IGF2BP1: variants seen among roughly 807,000 people sequenced by gnomAD.
IGF2BP1 encodes the protein insulin-like growth factor 2 mRNA-binding protein 1.
Under a neutral mutation model 74.9 loss-of-function variants are expected in IGF2BP1, and 11 were observed. The observed-to-expected ratio is 0.15, with a 90% CI of 0.09 to 0.24. The LOEUF is 0.24. Among genes scored for constraint, IGF2BP1 ranks in the 10% least tolerant of loss-of-function variants. IGF2BP1 has a pLI of 1.00. For synonymous variants in IGF2BP1, 287 were observed against 281.8 expected (o/e 1.02, Z -0.18); for missense variants, 440 against 757.4 (o/e 0.58, Z 4.92).
chr17:49,019,975 CATACACCCACACATATATAT>C (rs1567816009), intron 2 of IGF2BP1, among the ~76,000 whole-genome samples: 6 of 72,832 alleles, frequency 8.2e-5, no homozygotes, highest in Non-Finnish European at 1.0e-4. Context: ...CACACACACA[CATACACCCACACATATATAT>C]ACACACACAC....
chr17:49,035,532 T>C (rs2144100753), intron 5 of IGF2BP1, among the ~76,000 whole-genome samples: 1 of 152,302 alleles, frequency 6.6e-6, no homozygotes, highest in Non-Finnish European at 1.5e-5. Context: ...GGCAGCGGTC[T>C]GGGGCAGTGG....
In IGF2BP1 at chr17:49,039,464, G is replaced by A. The variant is rs949205681; in HGVS notation, c.684-493G>A. 9.2e-5 allele frequency among the ~76,000 whole-genome samples: 14 copies of A among 152,054 alleles called. No homozygotes were observed. In the South Asian group the frequency reaches 1.9e-3, roughly 20 times the overall value. Reference sequence around the variant, plus strand: ...ATTTTTTGAGGCAGAGTCTCACTGCGTCACCCAGGCTGGAGTGTAGTGGTG... The same window carrying A: ...ATTTTTTGAGGCAGAGTCTCACTGCATCACCCAGGCTGGAGTGTAGTGGTG... On this transcript the variant is annotated intron_variant, in intron 6 of 14. Transcript: ENST00000290341.
intron 4 of IGF2BP1, among the ~76,000 whole-genome samples, chr17:49,028,096 A>G (rs531186430): frequency 3.1e-4 from 46 of 150,532 alleles, no homozygotes; most frequent in Admixed American, 9.9e-4. Flanking sequence ...CCAGGAGGCC[A>G]AGGCTGCAGT....
intron 2 of IGF2BP1, among the ~76,000 whole-genome samples, chr17:49,016,729 C>G (rs972916302): frequency 6.6e-6 from 1 of 152,014 alleles, no homozygotes. Flanking sequence ...CCCACATCTC[C>G]CAGTAGGTCA....
chr17:49,046,478 G>A (rs893424650), intron 14 of IGF2BP1, 105 bp downstream of exon 14: 1 of 800,542 alleles, frequency 1.2e-6, no homozygotes, highest in Non-Finnish European at 2.1e-6. Flanking sequence ...AAGTCCTGGG[G>A]CCTCAGCCAC....
At chr17:49,043,607 G>T in intron 10 of IGF2BP1, 57 bp downstream of exon 10, 2 of 1,588,838 alleles carry the variant, frequency 1.3e-6, no homozygotes, top group South Asian at 2.3e-5. Flanking sequence ...CCTCCCTTAA[G>T]GGGGACTCAG....
At chr17:49,040,453 G>A (rs1441280694) in intron 7 of IGF2BP1, among the ~76,000 whole-genome samples, 1 of 152,196 alleles carries the variant, frequency 6.6e-6, no homozygotes, top group Admixed American at 6.5e-5. Context: ...CTGGACTCAA[G>A]TGACCCACCC....
chr17:49,048,414 G>A (rs1393468823), intron 14 of IGF2BP1, among the ~76,000 whole-genome samples: 4 of 151,618 alleles, frequency 2.6e-5, no homozygotes, highest in South Asian at 2.1e-4. Context: ...CACCACGCTC[G>A]GCTAATTTTT....
chr17:49,019,129 C>T (rs541476477), intron 2 of IGF2BP1, among the ~76,000 whole-genome samples: 105 of 152,230 alleles, frequency 6.9e-4, no homozygotes, highest in Non-Finnish European at 1.4e-3. Flanking sequence ...AAATGGCATC[C>T]TCGCTTCTGG....
At chr17:49,030,829 A>G (rs376544218) in intron 4 of IGF2BP1, among the ~76,000 whole-genome samples, 1 of 151,772 alleles carries the variant, frequency 6.6e-6, no homozygotes, top group Admixed American at 6.6e-5. Flanking sequence ...GGGTTTCACC[A>G]TATTGGTCAG....
At position 49,055,988 on chromosome 17, in the gene IGF2BP1, TG is replaced by T. The variant is rs1262225752; in HGVS notation, c.*6549del. Among the ~76,000 whole-genome samples the T allele has an allele frequency of 6.6e-6, 1 of 152,000 alleles. No homozygotes were observed. The highest frequency in any genetic ancestry group is 2.4e-5 in the African/African-American group (1 of 41,382). ...CCATCCTTTAATCTGTTCATTGCTT[TG>T]GGGGAGGTGGGGCAGCTGGCTCACA... On this transcript the variant is annotated 3_prime_UTR_variant, in exon 15 of 15. Transcript: ENST00000290341.
intron 2 of IGF2BP1, among the ~76,000 whole-genome samples, chr17:49,003,151 A>G (rs746782594): frequency 6.6e-6 from 1 of 152,230 alleles, no homozygotes; most frequent in Non-Finnish European, 1.5e-5. Context: ...GGAAAAAAAC[A>G]TAATTATGTT....
At position 49,050,408 on chromosome 17, in the gene IGF2BP1, A is replaced by G. The variant is rs999907559; in HGVS notation, c.*964A>G. ...GAAGGGGACGCTAACTCCCCTTGAT[A>G]AAGTCTCGGTTCCATGGAGGACTTG... On this transcript the variant is annotated 3_prime_UTR_variant, in exon 15 of 15. Coordinates refer to ENST00000290341, the MANE Select transcript of IGF2BP1 (RefSeq NM_006546.4). 11 of 152,266 alleles carry G rather than the reference A, an allele frequency of 7.2e-5. No individual in the cohort carries two copies. The highest frequency in any genetic ancestry group is 3.3e-4 in the Admixed American group (5 of 15,274). The allele number at this position is 152,266 out of a possible 1,614,324, so 9.4% of individuals were successfully genotyped here. A position where few individuals can be genotyped will look rare whatever the true frequency, so the allele number is the denominator to read the frequency against.
In IGF2BP1 at chr17:48,997,607, G is replaced by A; in HGVS notation, c.-139G>A. The A allele has an allele frequency of 1.1e-6, 1 of 906,630 alleles. No homozygotes were observed. The allele number at this position is 906,630 out of a possible 1,614,324, so 56.2% of individuals were successfully genotyped here. On this transcript the variant is annotated 5_prime_UTR_variant, in exon 1 of 15. Coordinates refer to ENST00000290341, the MANE Select transcript of IGF2BP1 (RefSeq NM_006546.4). The surrounding 1 kb of genome is among the most constrained non-coding windows in gnomAD (Gnocchi z 4.8). ...GCCGCCTTCCCCGCCCTGGGCTCGGGACAACTTCTGGGGTGGGGTGCAAAG... is the reference window on the plus strand; with the variant it reads ...GCCGCCTTCCCCGCCCTGGGCTCGGAACAACTTCTGGGGTGGGGTGCAAAG...
intron 2 of IGF2BP1, among the ~76,000 whole-genome samples, chr17:49,000,240 TG>T (rs2041471381): frequency 6.6e-6 from 1 of 152,106 alleles, no homozygotes; most frequent in South Asian, 2.1e-4. Flanking sequence ...GCTGAAAACT[TG>T]GTACATTTCA....
intron 13 of IGF2BP1, 111 bp downstream of exon 13, chr17:49,046,132 T>C (rs1241628206): frequency 6.8e-7 from 1 of 1,470,848 alleles, no homozygotes; most frequent in African/African-American, 1.4e-5. Flanking sequence ...GCTCATTTAC[T>C]TGATTCTACT....
chr17:48,997,199 C>T (rs1483762696), upstream of IGF2BP1, among the ~76,000 whole-genome samples: 1 of 151,962 alleles, frequency 6.6e-6, no homozygotes, highest in Admixed American at 6.6e-5. This position sits in a 1 kb window ranked among gnomAD's most constrained non-coding sequence, Gnocchi z 4.8. Context: ...GCCTGTAGAG[C>T]TTCAGGGACG....
chr17:48,997,580 A>C lies in IGF2BP1; in HGVS notation c.-166A>C. The C allele has an allele frequency of 4.3e-6, 3 of 696,064 alleles. No homozygotes were observed. The highest frequency in any genetic ancestry group is 7.0e-6 in the Non-Finnish European group (3 of 426,666). The allele number at this position is 696,064 out of a possible 1,614,324, so 43.1% of individuals were successfully genotyped here. On this transcript the variant is annotated 5_prime_UTR_variant, in exon 1 of 15. Transcript: ENST00000290341. The surrounding 1 kb of genome is among the most constrained non-coding windows in gnomAD (Gnocchi z 4.8). Reference sequence around the variant, plus strand: ...TCTCCCGCGACCTCTGCGCGCCCTCAGGCCGCCTTCCCCGCCCTGGGCTCG... The same window carrying C: ...TCTCCCGCGACCTCTGCGCGCCCTCCGGCCGCCTTCCCCGCCCTGGGCTCG...
chr17:49,036,030 C>T (rs1330146620), intron 5 of IGF2BP1, among the ~76,000 whole-genome samples: 1 of 151,808 alleles, frequency 6.6e-6, no homozygotes, highest in Non-Finnish European at 1.5e-5. Context: ...TACCATTTTA[C>T]TAACTTAATC....
Sources: allele counts gnomAD v4.1 joint callset (sites outside exome capture counted in the v4.1 genomes callset), GRCh38; gene constraint gnomAD v4.1.1; non-coding constraint Gnocchi (gnomAD v3.1); transcripts MANE v1.5; gene names NCBI Gene and HGNC (gene_info 2026-07-23, HGNC 2026-07-21).